Variants in MBTPS1 observed in about 807,000 individuals in gnomAD.
MBTPS1 encodes membrane-bound transcription factor site-1 protease.
MBTPS1 carries 94 observed loss-of-function variants against 127.8 expected under a neutral mutation model. That is an observed-to-expected ratio of 0.74 (90% confidence interval 0.62 to 0.87). The LOEUF is 0.87. Among genes scored for constraint, MBTPS1 ranks in the 40% least tolerant of loss-of-function variants. MBTPS1 has a pLI of 0.00. For synonymous variants in MBTPS1, 632 were observed against 509.4 expected (o/e 1.24, Z -3.24); for missense variants, 1,636 against 1,353.2 (o/e 1.21, Z -3.28).
chr16:84,110,584 A>T (rs2086384453), intron 1 of MBTPS1: 1 of 152,236 alleles, frequency 6.6e-6, no homozygotes, highest in Non-Finnish European at 1.5e-5. Flanking sequence ...ACACTCACTG[A>T]GCATTTATGA....
At chr16:84,114,132 T>C (rs1597360667) in intron 1 of MBTPS1, among the ~76,000 whole-genome samples, 1 of 11,324 alleles carries the variant, frequency 8.8e-5, no homozygotes, top group Admixed American at 7.2e-4. Flanking sequence ...GCCCGGCTAA[T>C]TTTTTTGTAT....
At chr16:84,069,792 G>C (rs1292708585) in intron 14 of MBTPS1, 74 bp downstream of exon 14, 2 of 1,338,604 alleles carry the variant, frequency 1.5e-6, no homozygotes, top group African/African-American at 2.9e-5. Context: ...ATCTTTCCAA[G>C]AGTTGCGGGA....
intron 1 of MBTPS1, among the ~76,000 whole-genome samples, chr16:84,107,094 C>T (rs1597353788): frequency 6.6e-6 from 1 of 152,270 alleles, no homozygotes; most frequent in East Asian, 1.9e-4. Context: ...CCGGGCAATC[C>T]AGTACCTTTT....
intron 19 of MBTPS1, 75 bp downstream of exon 19, chr16:84,063,230 G>A (rs940491978): frequency 2.9e-5 from 44 of 1,502,204 alleles, no homozygotes; most frequent in African/African-American, 1.9e-4. Context: ...AGCATCTCAC[G>A]GGCGCCTTTC....
intron 6 of MBTPS1, among the ~76,000 whole-genome samples, chr16:84,092,577 G>A (rs1206896716): frequency 1.3e-5 from 2 of 152,160 alleles, no homozygotes; most frequent in Non-Finnish European, 2.9e-5. Flanking sequence ...GCTGGACGGG[G>A]ACAGGGGTGG....
rs1465117112 is a variant in MBTPS1, at chr16:84,081,722, CCCATCGGCAGGGCGGTG to C, written c.1448+8_1448+24del. The C allele has an allele frequency of 3.7e-6, 5 of 1,337,910 alleles. No homozygotes were observed. In the African/African-American group the frequency reaches 7.5e-5, roughly 20 times the overall value. 82.9% of individuals were successfully genotyped at this position (1,337,910 alleles called of 1,614,324 possible). ...CAGAGCCCAGTGAAGGAGAGAAAGA[CCCATCGGCAGGGCGGTG>C]CACTGACCTTGCCTGTGGCTTGTAG... On this transcript the variant is annotated splice_region_variant and intron_variant, in intron 11 of 22. Transcript: ENST00000343411.
Position 84,102,652 on chromosome 16 carries a change from G to A in MBTPS1, c.-324-545C>T, listed in dbSNP as rs77413614. 7.2e-3 allele frequency among the ~76,000 whole-genome samples: 1,101 copies of A among 152,248 alleles called. 10 individuals are homozygous for A. The highest frequency in any genetic ancestry group is 0.025 in the African/African-American group (1,050 of 41,542). On this transcript the variant is annotated intron_variant, in intron 1 of 22. Coordinates refer to ENST00000343411, the MANE Select transcript of MBTPS1 (RefSeq NM_003791.4). ...TATCATTTGCAACTCAATCCCCAGA[G>A]CATTTCCCCAGTTGGCACTTTTACT... is the stretch of plus-strand genomic sequence containing the variant.
Position 84,059,455 on chromosome 16 carries a change from A to C in MBTPS1, c.2705-27T>G, listed in dbSNP as rs201920590. ...TGTGGTTAGCAGCAACATCAACAAAAAGGAAAATCATCTCTATTACTAAAA... is the reference window on the plus strand; with the variant it reads ...TGTGGTTAGCAGCAACATCAACAAACAGGAAAATCATCTCTATTACTAAAA... On this transcript the variant is annotated intron_variant, in intron 20 of 22. Coordinates refer to ENST00000343411, the MANE Select transcript of MBTPS1 (RefSeq NM_003791.4). The C allele has an allele frequency of 2.4e-4, 383 of 1,599,756 alleles. 4 individuals are homozygous for C. Among genetic ancestry groups the C allele is most frequent in the Middle Eastern group, 6.7e-4 (4 of 5,994 alleles).
At chr16:84,096,306 T>G (rs1253269629) in intron 3 of MBTPS1, among the ~76,000 whole-genome samples, 1 of 152,236 alleles carries the variant, frequency 6.6e-6, no homozygotes, top group Non-Finnish European at 1.5e-5. Context: ...AATATTCTTA[T>G]CTGCTAGAAT....
At chr16:84,055,257 C>T (rs2085505598) in intron 22 of MBTPS1, among the ~76,000 whole-genome samples, 1 of 152,188 alleles carries the variant, frequency 6.6e-6, no homozygotes, top group South Asian at 2.1e-4. Flanking sequence ...GCCCTCAGGA[C>T]CCTGGCACCA....
chr16:84,108,217 C>A lies in MBTPS1; in HGVS notation c.-324-6110G>T, dbSNP rs562870370. On this transcript the variant is annotated intron_variant, in intron 1 of 22. Coordinates refer to ENST00000343411, the MANE Select transcript of MBTPS1 (RefSeq NM_003791.4). The stretch of plus-strand genomic sequence containing the variant: ...AGCAGACAAGCAGCAGCAGGACAGG[C>A]AGACAGAGCATGCACACACAGATAC... 2.0e-5 allele frequency among the ~76,000 whole-genome samples: 3 copies of A among 152,196 alleles called. No individual in the cohort carries two copies. In the South Asian group the frequency reaches 6.2e-4, roughly 32 times the overall value.
At chr16:84,096,052 A>C (rs2086175590) in intron 3 of MBTPS1, among the ~76,000 whole-genome samples, 2 of 152,208 alleles carry the variant, frequency 1.3e-5, no homozygotes, top group African/African-American at 4.8e-5. Context: ...AAGGCAAAGA[A>C]AGACTGATTA....
At chr16:84,056,801 G>A (rs888728864) in intron 21 of MBTPS1, 5 of 152,176 alleles carry the variant, frequency 3.3e-5, no homozygotes, top group African/African-American at 9.7e-5. Context: ...TTAACTCTGG[G>A]ATCTGAAAAA....
intron 21 of MBTPS1, 28 bp from the exon 22 acceptor site, chr16:84,056,163 A>G: frequency 1.9e-6 from 3 of 1,602,216 alleles, no homozygotes; most frequent in Non-Finnish European, 2.6e-6. Flanking sequence ...AAAACAAAAC[A>G]AAAATAAGCC....
At chr16:84,080,899 G>T (rs2085930793) in intron 11 of MBTPS1, among the ~76,000 whole-genome samples, 1 of 152,198 alleles carries the variant, frequency 6.6e-6, no homozygotes, top group Admixed American at 6.5e-5. Flanking sequence ...GGAGGACCCA[G>T]ACTGACAGAC....
In MBTPS1 at chr16:84,068,432, T is replaced by C. The variant is rs768653763; in HGVS notation, c.1978A>G (p.Asn660Asp). The C allele has an allele frequency of 6.2e-7, 1 of 1,613,494 alleles. No homozygotes were observed. The highest frequency in any genetic ancestry group is 8.5e-7 in the Non-Finnish European group (1 of 1,179,378). The stretch of plus-strand genomic sequence containing the variant: ...AGATGCTGGTACATATCCCTGAAAT[T>C]GGTGTGGATGTGATCACCATTCCTG... The part of the protein sequence containing the change: ...LDWNGDHIHT[N>D]FRDMYQHLRS... Residue 660 changes from asparagine to aspartate, a missense_variant, in exon 15 of 23, where the codon AAT becomes GAT. Physicochemically the swap from Asn to Asp is conservative, Grantham distance 23. Transcript: ENST00000343411.
chr16:84,113,763 T>C (rs1243598670), intron 1 of MBTPS1, among the ~76,000 whole-genome samples: 1 of 152,186 alleles, frequency 6.6e-6, no homozygotes, highest in African/African-American at 2.4e-5. Flanking sequence ...AATAAACTAG[T>C]TTACTAAAAT....
At chr16:84,062,371 G>A (rs753491047) in intron 19 of MBTPS1, among the ~76,000 whole-genome samples, 3 of 152,090 alleles carry the variant, frequency 2.0e-5, no homozygotes, top group Non-Finnish European at 4.4e-5. Flanking sequence ...CACTCACCTC[G>A]GCCTACCAAA....
chr16:84,082,768 T>C (rs1032512116), intron 10 of MBTPS1, among the ~76,000 whole-genome samples: 2 of 152,180 alleles, frequency 1.3e-5, no homozygotes, highest in African/African-American at 4.8e-5. Context: ...AAGTAGATTC[T>C]TAATGACAGA....
Sources: allele counts gnomAD v4.1 joint callset (sites outside exome capture counted in the v4.1 genomes callset), GRCh38; gene constraint gnomAD v4.1.1; transcripts MANE v1.5; gene names NCBI Gene and HGNC (gene_info 2026-07-23, HGNC 2026-07-21).